Variants in GASK1B observed in about 807,000 individuals in gnomAD.
The protein encoded by GASK1B is golgi associated kinase 1B, also known as Golgi-associated kinase 1B.
GASK1B carries 34 observed loss-of-function variants against 42.8 expected under a neutral mutation model. The observed-to-expected ratio is 0.79, with a 90% CI of 0.60 to 1.06. The LOEUF (loss-of-function observed/expected upper bound fraction) is 1.06, where lower values mean the gene tolerates loss of function less well. GASK1B is among the 50% of genes least tolerant of loss of function. The probability of loss-of-function intolerance (pLI) is 0.00; values close to 1 mark genes in which losing one functional copy is unlikely to be tolerated. For synonymous variants in GASK1B, 262 were observed against 259.1 expected (o/e 1.01, Z -0.11); for missense variants, 686 against 661.0 (o/e 1.04, Z -0.42).
At chr4:158,166,544 A>G (rs1732237398) in intron 2 of GASK1B, among the ~76,000 whole-genome samples, 1 of 152,134 alleles carries the variant, frequency 6.6e-6, no homozygotes, top group African/African-American at 2.4e-5. Context: ...CTCAACTTCC[A>G]TATTTGTTAA....
chr4:158,149,117 C>G (rs1469591030), intron 3 of GASK1B, among the ~76,000 whole-genome samples: 1 of 152,168 alleles, frequency 6.6e-6, no homozygotes, highest in African/African-American at 2.4e-5. Flanking sequence ...TCCTCTCTAT[C>G]ATTGACAGCC....
chr4:158,158,845 T>C (rs1731859007), intron 2 of GASK1B, among the ~76,000 whole-genome samples: 1 of 152,104 alleles, frequency 6.6e-6, no homozygotes, highest in Admixed American at 6.6e-5. Context: ...AATCTTTTGA[T>C]TTTTGTCAAT....
chr4:158,152,507 C>A (rs142537941), intron 3 of GASK1B, among the ~76,000 whole-genome samples: 50 of 151,922 alleles, frequency 3.3e-4, no homozygotes, highest in African/African-American at 1.2e-3. Flanking sequence ...AAGTCAGTAT[C>A]ACCCCAATAG....
intron 2 of GASK1B, among the ~76,000 whole-genome samples, chr4:158,163,353 G>A (rs757758985): frequency 1.2e-4 from 19 of 152,154 alleles, no homozygotes; most frequent in Non-Finnish European, 1.8e-4. Flanking sequence ...GGTGGATCAC[G>A]AGGTCAGGAG....
In GASK1B at chr4:158,171,475, C is replaced by A; in HGVS notation, c.-100G>T. On this transcript the variant is annotated 5_prime_UTR_variant, in exon 2 of 5. Coordinates refer to ENST00000585682, the MANE Select transcript of GASK1B (RefSeq NM_001128424.2). ...CTGACTTCAGCTGCCGCGTCCGCTT[C>A]GGGATATAAGTGGTCTCCAGTGGGC... is the stretch of plus-strand genomic sequence containing the variant. 1 of 1,361,820 alleles carries A rather than the reference C, an allele frequency of 7.3e-7. No individual in the cohort carries two copies. The highest frequency in any genetic ancestry group is 1.7e-5 in the South Asian group (1 of 60,598). The allele number at this position is 1,361,820 out of a possible 1,614,324, so 84.4% of individuals were successfully genotyped here.
chr4:158,136,455 A>G (rs1579012889), intron 3 of GASK1B, among the ~76,000 whole-genome samples: 1 of 152,294 alleles, frequency 6.6e-6, no homozygotes, highest in East Asian at 1.9e-4. Flanking sequence ...GGTTGAAGGC[A>G]AGTGGGTAGG....
At position 158,145,492 on chromosome 4, in the gene GASK1B, A is replaced by G. The variant is rs1169475118; in HGVS notation, c.1125+10119T>C. Reference sequence around the variant, plus strand: ...CTGTAAGCACCATTTCTACCACTCAATGAACTTTTTCATACCCTCAACCCT... The same window carrying G: ...CTGTAAGCACCATTTCTACCACTCAGTGAACTTTTTCATACCCTCAACCCT... On this transcript the variant is annotated intron_variant, in intron 3 of 4. Coordinates refer to ENST00000585682, the MANE Select transcript of GASK1B (RefSeq NM_001128424.2). Among the ~76,000 whole-genome samples the G allele has an allele frequency of 4.6e-5, 7 of 152,116 alleles. No individual in the cohort carries two copies. The South Asian group carries it at 6.2e-4, about 14-fold the overall frequency.
intron 2 of GASK1B, among the ~76,000 whole-genome samples, chr4:158,160,774 C>T (rs1435758344): frequency 1.3e-5 from 2 of 152,040 alleles, no homozygotes; most frequent in African/African-American, 4.8e-5. Flanking sequence ...CTATTATTCA[C>T]CCTTTAAAAA....
chr4:158,138,407 C>T lies in GASK1B; in HGVS notation c.1126-7395G>A, dbSNP rs536756650. ...AAATTCTGATTTATAGAATGAATTG[C>T]TATTAGGCAATAAATTTAACATGGA... is the stretch of plus-strand genomic sequence containing the variant. On this transcript the variant is annotated intron_variant, in intron 3 of 4. Transcript: ENST00000585682. Among the ~76,000 whole-genome samples, 37 of 152,194 alleles carry T rather than the reference C, an allele frequency of 2.4e-4. No individual in the cohort carries two copies. The South Asian group carries it at 6.8e-3, about 28-fold the overall frequency.
chr4:158,146,548 T>C (rs1731337174), intron 3 of GASK1B, among the ~76,000 whole-genome samples: 1 of 152,208 alleles, frequency 6.6e-6, no homozygotes, highest in Non-Finnish European at 1.5e-5. Context: ...AATAGCTCTC[T>C]ATATACGCAC....
chr4:158,172,649 C>T (rs1477810507), intron 1 of GASK1B: 1 of 152,038 alleles, frequency 6.6e-6, no homozygotes, highest in African/African-American at 2.4e-5. Flanking sequence ...AATAAATTTC[C>T]ACTTATTTTT....
rs1348796998 is a variant in GASK1B at position 158,171,285 on chromosome 4, G to A, written c.91C>T (p.Arg31Cys). 1.2e-6 allele frequency: 2 copies of A among 1,613,770 alleles called. No homozygotes were observed. The highest frequency in any genetic ancestry group is 2.2e-5 in the South Asian group (2 of 91,040). Residue 31 changes from arginine (R) to cysteine (C), a missense_variant, in exon 2 of 5, where the codon CGT becomes TGT. Physicochemically the swap from Arg to Cys is radical, Grantham distance 180. Transcript: ENST00000585682. ...AGAAGGTTTCTCCGGGTCCTTGGAC[G>A]CCGGCTGCTCCAGAGCTTACGCACC... ...PRVRKLWSSR[R>C]PRTRRNLLLG...
chr4:158,163,531 T>C (rs988449283), intron 2 of GASK1B, among the ~76,000 whole-genome samples: 41 of 148,680 alleles, frequency 2.8e-4, no homozygotes, highest in African/African-American at 1.0e-3. Context: ...ATCACAGCAC[T>C]GCACTCCAGC....
intron 3 of GASK1B, among the ~76,000 whole-genome samples, chr4:158,151,358 G>C (rs1433294430): frequency 6.6e-6 from 1 of 152,142 alleles, no homozygotes; most frequent in Non-Finnish European, 1.5e-5. Flanking sequence ...ACACAGTATG[G>C]AATGTTGGAA....
intron 3 of GASK1B, among the ~76,000 whole-genome samples, chr4:158,137,897 T>C (rs748428500): frequency 6.6e-6 from 1 of 152,198 alleles, no homozygotes; most frequent in Non-Finnish European, 1.5e-5. Context: ...TAGTCTGCAA[T>C]ATAGAAATCT....
In GASK1B at chr4:158,127,151, A is replaced by G. The variant is rs1730484850; in HGVS notation, c.*256T>C. The stretch of plus-strand genomic sequence containing the variant: ...TAATAACTGAAATTTCTGTTGTCAG[A>G]TGTTCAGACTGACACATAGCATGAT... On this transcript the variant is annotated 3_prime_UTR_variant, in exon 5 of 5. Coordinates refer to ENST00000585682, the MANE Select transcript of GASK1B (RefSeq NM_001128424.2). The G allele has an allele frequency of 3.4e-6, 1 of 290,538 alleles. No individual in the cohort carries two copies. Among genetic ancestry groups the G allele is most frequent in the African/African-American group, 2.2e-5 (1 of 45,630 alleles). The allele number at this position is 290,538 out of a possible 1,614,324, so 18.0% of individuals were successfully genotyped here.
chr4:158,168,150 G>T (rs949479423), intron 2 of GASK1B, among the ~76,000 whole-genome samples: 2 of 152,144 alleles, frequency 1.3e-5, no homozygotes, highest in African/African-American at 4.8e-5. Flanking sequence ...ACAGAATGTT[G>T]TTTGAGATAT....
chr4:158,171,154 G>A lies in GASK1B; in HGVS notation c.222C>T (p.Arg74=). ...CAGGGAAGGATGGCTCGGCGGTGTC[G>A]CGGCTGCGATGTGGCCCCTTCTCAG... ...QAAEKGPHRS[R]DTAEPSFPEI... is the part of the protein sequence containing the mutation. The change falls in exon 2 of 5, where the codon CGC becomes CGT. Residue 74 remains arginine, a synonymous_variant. Transcript: ENST00000585682. 1.2e-6 allele frequency: 2 copies of A among 1,608,266 alleles called. No individual in the cohort carries two copies. Among genetic ancestry groups the A allele is most frequent in the South Asian group, 1.1e-5 (1 of 90,698 alleles).
At chr4:158,155,383 T>G (rs906759291) in intron 3 of GASK1B, among the ~76,000 whole-genome samples, 33 of 152,278 alleles carry the variant, frequency 2.2e-4, no homozygotes, top group African/African-American at 7.9e-4. Flanking sequence ...TGGTACCTCT[T>G]TAAGTCTGAT....
Sources: gnomAD v4.1 joint callset for allele counts (sites outside exome capture counted in the v4.1 genomes callset) on GRCh38, gnomAD v4.1.1 for gene constraint, MANE v1.5 for transcripts, NCBI Gene and HGNC (gene_info 2026-07-23, HGNC 2026-07-21) for gene names.